Variants in SLC38A4 observed in about 807,000 individuals in gnomAD.
The protein encoded by SLC38A4 is sodium-coupled neutral amino acid transporter 4.
SLC38A4 carries 20 observed loss-of-function variants against 63.1 expected under a neutral mutation model. That is an observed-to-expected ratio of 0.32 (90% CI 0.22 to 0.46). SLC38A4 has a LOEUF of 0.46. Ranked by LOEUF, SLC38A4 falls within the 20% of genes least tolerant of loss-of-function variation. The pLI is 1.00. For synonymous variants in SLC38A4, 230 were observed against 225.5 expected, an observed-to-expected ratio of 1.02 and a Z score of -0.18; for missense variants, 526 against 663.6, an observed-to-expected ratio of 0.79 and a Z score of 2.28.
chr12:46,800,645 G>T (rs1234967931), intron 2 of SLC38A4, among the ~76,000 whole-genome samples: 1 of 151,902 alleles, frequency 6.6e-6, no homozygotes, highest in Non-Finnish European at 1.5e-5. Context: ...CCTCTCCTGC[G>T]TAGTATTTAT....
At chr12:46,822,714 G>C (rs7953215) in intron 1 of SLC38A4, among the ~76,000 whole-genome samples, 87,009 of 152,004 alleles carry the variant, frequency 0.57, 25,487 homozygotes, top group Non-Finnish European at 0.62. Flanking sequence ...TTCCAGGCAG[G>C]GGACATGGGA....
At chr12:46,766,872 A>G in intron 16 of SLC38A4, 70 bp from the exon 17 acceptor site, 1 of 1,046,934 alleles carries the variant, frequency 9.6e-7, no homozygotes, top group Non-Finnish European at 1.4e-6. Context: ...TTAGTTGTTT[A>G]CATAATATGG....
rs1174948198 is a variant in SLC38A4, at chr12:46,792,899, T to C, written c.119+54A>G. 39 of 1,321,892 alleles carry C rather than the reference T, an allele frequency of 3.0e-5. No homozygotes were observed. The South Asian group carries it at 4.4e-4, about 15-fold the overall frequency. 81.9% of individuals were successfully genotyped at this position (1,321,892 alleles called of 1,614,324 possible). A position where few individuals can be genotyped will look rare whatever the true frequency, so the allele number is the denominator to read the frequency against. On this transcript the variant is annotated intron_variant, in intron 3 of 16. Transcript: ENST00000266579. ...CTTCCCATCAAGACCCTGTTTTCCA[T>C]GTCCACATCCTGTCTTATTTTTCCA... is the stretch of plus-strand genomic sequence containing the variant.
In SLC38A4 at chr12:46,792,937, A is replaced by G. The variant is rs1348061499; in HGVS notation, c.119+16T>C. On this transcript the variant is annotated intron_variant, in intron 3 of 16. Transcript: ENST00000266579. ...TCTTATTTTTCCATGGAACATAGTA[A>G]TTTTTAACCCCATACCTGCTCATTG... 3 of 1,586,324 alleles carry G rather than the reference A, an allele frequency of 1.9e-6. No individual in the cohort carries two copies. In the South Asian group the frequency reaches 3.3e-5, roughly 18 times the overall value.
At chr12:46,809,848 G>A (rs544207985) in intron 1 of SLC38A4, among the ~76,000 whole-genome samples, 15 of 152,034 alleles carry the variant, frequency 9.9e-5, no homozygotes, top group African/African-American at 2.9e-4. Context: ...TTAGATGGCC[G>A]ATTTGCAGTA....
intron 2 of SLC38A4, among the ~76,000 whole-genome samples, chr12:46,800,255 T>C (rs1486178237): frequency 6.6e-6 from 1 of 152,108 alleles, no homozygotes; most frequent in East Asian, 1.9e-4. Context: ...TCTATCTCCA[T>C]GACCACTATG....
At chr12:46,822,027 T>C (rs972042324) in intron 1 of SLC38A4, among the ~76,000 whole-genome samples, 1 of 152,174 alleles carries the variant, frequency 6.6e-6, no homozygotes, top group Non-Finnish European at 1.5e-5. Context: ...TGATTTTGTA[T>C]CCTGCAACTT....
In SLC38A4 at chr12:46,805,360, A is replaced by T. The variant is rs957435212; in HGVS notation, c.-304-1566T>A. On this transcript the variant is annotated intron_variant, in intron 1 of 16. Transcript: ENST00000266579. The stretch of plus-strand genomic sequence containing the variant: ...TAACACTGACTTAAAAATCAGATAT[A>T]TACACATGAAAACTAATTTGGCAAA... 7.2e-5 allele frequency among the ~76,000 whole-genome samples: 11 copies of T among 152,102 alleles called. No individual in the cohort carries two copies. In the East Asian group the frequency reaches 2.1e-3, roughly 29 times the overall value.
intron 5 of SLC38A4, among the ~76,000 whole-genome samples, chr12:46,785,573 C>A (rs1041887416): frequency 2.6e-5 from 4 of 151,998 alleles, no homozygotes; most frequent in African/African-American, 9.7e-5. Context: ...CCTGACTAAA[C>A]CTTAATCTGA....
intron 14 of SLC38A4, among the ~76,000 whole-genome samples, chr12:46,769,983 T>A (rs1038503601): frequency 2.0e-5 from 3 of 152,134 alleles, no homozygotes; most frequent in African/African-American, 7.2e-5. Flanking sequence ...TCTTGTGCAG[T>A]CTTGATGCTA....
chr12:46,790,991 C>T (rs1239435354), intron 3 of SLC38A4, among the ~76,000 whole-genome samples: 3 of 152,134 alleles, frequency 2.0e-5, no homozygotes, highest in Non-Finnish European at 2.9e-5. Context: ...GTGAGTGGTT[C>T]GGAACACATT....
At position 46,768,344 on chromosome 12, in the gene SLC38A4, T is replaced by G. The variant is rs921510705; in HGVS notation, c.1508A>C (p.Lys503Thr). 59 of 1,611,472 alleles carry G rather than the reference T, an allele frequency of 3.7e-5. No individual in the cohort carries two copies. Among genetic ancestry groups the G allele is most frequent in the Non-Finnish European group, 4.7e-5 (55 of 1,178,534 alleles). The change falls in exon 16 of 17, where the codon AAG (lysine) becomes ACG (threonine). Residue 503 changes from lysine (K) to threonine (T), a missense_variant. By Grantham distance (78) the Lys-to-Thr change is moderately conservative. Coordinates refer to ENST00000266579, the MANE Select transcript of SLC38A4 (RefSeq NM_018018.5). ...LPAVFYLKLV[K>T]KETFRSPQKV... ...TTGGGGTGACCTAAAAGTTTCTTTC[T>G]TGACAAGTTTAAGATAAAAAACTGC...
intron 2 of SLC38A4, among the ~76,000 whole-genome samples, chr12:46,798,551 CA>C (rs1939063377): frequency 6.6e-6 from 1 of 152,138 alleles, no homozygotes; most frequent in Non-Finnish European, 1.5e-5. Flanking sequence ...GAAGGAGCAG[CA>C]GGGCTGAGAT....
intron 3 of SLC38A4, 114 bp from the exon 4 acceptor site, chr12:46,788,732 C>T (rs1004028039): frequency 1.9e-5 from 17 of 913,386 alleles, no homozygotes; most frequent in South Asian, 3.3e-5. Flanking sequence ...AAATAAGACA[C>T]CCCAATTTTC....
intron 3 of SLC38A4, 89 bp from the exon 4 acceptor site, chr12:46,788,707 G>A (rs115541545): frequency 8.4e-7 from 1 of 1,187,804 alleles, no homozygotes; most frequent in Admixed American, 1.9e-5. Flanking sequence ...CTAAGTAACT[G>A]AATCAGAGGA....
At position 46,784,528 on chromosome 12, in the gene SLC38A4, G is replaced by A. The variant is rs991274855; in HGVS notation, c.493+14C>T. On this transcript the variant is annotated intron_variant, in intron 7 of 16. Transcript: ENST00000266579. ...GAAAGTTTATGGGATCCATTGAAAA[G>A]TATATCCCCTTACCTCCAATGTTCT... 6 of 1,601,898 alleles carry A rather than the reference G, an allele frequency of 3.7e-6. No homozygotes were observed. The Admixed American group carries it at 6.7e-5, about 18-fold the overall frequency.
At chr12:46,769,971 C>G (rs753525698) in intron 14 of SLC38A4, among the ~76,000 whole-genome samples, 6 of 152,112 alleles carry the variant, frequency 3.9e-5, no homozygotes, top group Non-Finnish European at 8.8e-5. Flanking sequence ...ACTGTACATT[C>G]ATCTTGTGCA....
At chr12:46,783,369 T>C (rs767371360) in intron 7 of SLC38A4, among the ~76,000 whole-genome samples, 2 of 151,900 alleles carry the variant, frequency 1.3e-5, no homozygotes, top group Non-Finnish European at 2.9e-5. Context: ...TGAGTTTAAG[T>C]TTTTCCTTGA....
Position 46,768,391 on chromosome 12 carries a change from A to G in SLC38A4, c.1461T>C (p.Thr487=). ...IFGFIGASSA[T]MLIFILPAVF... is the part of the protein sequence containing the mutation. ...CTGCTGGAAGAATAAAAATCAGCAT[A>G]GTGGCAGAAGAAGCCCCTGAGAAGA... The change falls in exon 16 of 17, where the codon ACT becomes ACC. Residue 487 remains threonine, a synonymous_variant. Transcript: ENST00000266579. 1.2e-6 allele frequency: 2 copies of G among 1,610,378 alleles called. No homozygotes were observed. Among genetic ancestry groups the G allele is most frequent in the Admixed American group, 1.7e-5 (1 of 59,728 alleles).
Sources: allele counts gnomAD v4.1 joint callset (sites outside exome capture counted in the v4.1 genomes callset), GRCh38; gene constraint gnomAD v4.1.1; transcripts MANE v1.5; gene names NCBI Gene and HGNC (gene_info 2026-07-23, HGNC 2026-07-21).